The following RHOBTB1 variants were observed in gnomAD, a reference collection of about 807,000 sequenced individuals.
RHOBTB1 encodes the protein rho-related BTB domain-containing protein 1.
Under a neutral mutation model 71.6 loss-of-function variants are expected in RHOBTB1, and 40 were observed. The observed-to-expected ratio is 0.56, with a 90% CI of 0.43 to 0.73. The LOEUF (loss-of-function observed/expected upper bound fraction) is 0.73, where lower values mean the gene tolerates loss of function less well. Ranked by LOEUF, RHOBTB1 falls within the 30% of genes least tolerant of loss-of-function variation. The pLI is 0.00. For synonymous variants in RHOBTB1, 319 were observed against 334.9 expected (o/e 0.95, Z 0.52); for missense variants, 797 against 894.0 (o/e 0.89, Z 1.38).
At chr10:60,946,123 A>G (rs2085223073), upstream of RHOBTB1, among the ~76,000 whole-genome samples, 1 of 151,962 alleles carries the variant, frequency 6.6e-6, no homozygotes, top group African/African-American at 2.4e-5. Context: ...GGTTGCAGTG[A>G]GCCGAGATCG....
chr10:60,965,730 T>C (rs901503502), intron 2 of RHOBTB1, among the ~76,000 whole-genome samples: 14 of 152,162 alleles, frequency 9.2e-5, no homozygotes, highest in Non-Finnish European at 1.9e-4. Context: ...TCATGGTCTA[T>C]CCGTAGTTGG....
At position 60,889,017 on chromosome 10, in the gene RHOBTB1, C is replaced by T. The variant is rs768619047; in HGVS notation, c.651G>A (p.Trp217Ter). The T allele has an allele frequency of 6.2e-7, 1 of 1,614,078 alleles. No individual in the cohort carries two copies. The highest frequency in any genetic ancestry group is 8.5e-7 in the Non-Finnish European group (1 of 1,180,016). ...ALISRRHLQF[W>*]KSHLKKVQKP... is the part of the protein sequence containing the mutation. ...TCTGGACTTTCTTTAGGTGGGATTT[C>T]CAGAATTGCAGGTGCCTGCGGGAAA... Residue 217 changes from tryptophan (W) to a stop codon, truncating the protein, a stop_gained, in exon 6 of 11, where the codon TGG becomes TGA. Coordinates refer to ENST00000337910, the MANE Select transcript of RHOBTB1 (RefSeq NM_014836.5). LOFTEE classifies it high-confidence loss of function.
chr10:60,912,760 T>C (rs769737516), intron 2 of RHOBTB1: 1 of 152,170 alleles, frequency 6.6e-6, no homozygotes, highest in Non-Finnish European at 1.5e-5. Context: ...GACAGGACCC[T>C]CCACAAACAG....
At chr10:60,960,506 G>T (rs369080486) in intron 2 of RHOBTB1, among the ~76,000 whole-genome samples, 123 of 152,242 alleles carry the variant, frequency 8.1e-4, no homozygotes, top group African/African-American at 2.8e-3. Context: ...CCAAATAAAT[G>T]ACTGTTTTGT....
rs1481432804 is a variant in RHOBTB1, at chr10:60,888,811, G to A, written c.857C>T (p.Ala286Val). 1 of 1,614,228 alleles carries A rather than the reference G, an allele frequency of 6.2e-7. No individual in the cohort carries two copies. Among genetic ancestry groups the A allele is most frequent in the Non-Finnish European group, 8.5e-7 (1 of 1,180,044 alleles). Reference sequence around the variant, plus strand: ...ATCATAAAATTTGGAAGAAGAGGTAGCGAGGTAAATTCGATGTGCAAAGAT... The same window carrying A: ...ATCATAAAATTTGGAAGAAGAGGTAACGAGGTAAATTCGATGTGCAAAGAT... ...EHIFAHRIYL[A>V]TSSSKFYDLF... Residue 286 changes from alanine to valine, a missense_variant, in exon 6 of 11, where the codon GCT (alanine) becomes GTT (valine). Transcript: ENST00000337910.
In RHOBTB1 at chr10:60,870,273, A is replaced by C. The variant is rs962015021; in HGVS notation, c.*1209T>G. 1 of 152,664 alleles carries C rather than the reference A, an allele frequency of 6.6e-6. No homozygotes were observed. Among genetic ancestry groups the C allele is most frequent in the Non-Finnish European group, 1.5e-5 (1 of 68,052 alleles). The allele number at this position is 152,664 out of a possible 1,614,324, so 9.5% of individuals were successfully genotyped here. A position where few individuals can be genotyped will look rare whatever the true frequency, so the allele number is the denominator to read the frequency against. ...AATGAGAAAGAGTCAGAACGAACTC[A>C]CAATAGCACCATTTCCTAGACTCTT... On this transcript the variant is annotated 3_prime_UTR_variant, in exon 11 of 11. Transcript: ENST00000337910.
chr10:60,880,235 G>C (rs919684350), intron 7 of RHOBTB1, among the ~76,000 whole-genome samples: 1 of 147,928 alleles, frequency 6.8e-6, no homozygotes, highest in Non-Finnish European at 1.5e-5. Flanking sequence ...GAGAGAGAGA[G>C]AGAGACAGAG....
chr10:60,925,742 G>T (rs984078407), intron 2 of RHOBTB1, among the ~76,000 whole-genome samples: 2 of 152,120 alleles, frequency 1.3e-5, no homozygotes, highest in Non-Finnish European at 2.9e-5. Flanking sequence ...AACTGATACT[G>T]CTGAAATTCA....
chr10:60,936,136 T>C (rs939254141), intron 2 of RHOBTB1, among the ~76,000 whole-genome samples: 6 of 152,230 alleles, frequency 3.9e-5, no homozygotes, highest in Non-Finnish European at 8.8e-5. Flanking sequence ...ATTCCCATCA[T>C]GGATGAATGA....
chr10:60,997,028 G>A (rs996281274), intron 1 of RHOBTB1, among the ~76,000 whole-genome samples: 20 of 151,064 alleles, frequency 1.3e-4, no homozygotes, highest in African/African-American at 4.6e-4. Context: ...CTTGATTTGA[G>A]CCAATATCAA....
intron 1 of RHOBTB1, among the ~76,000 whole-genome samples, chr10:60,999,768 T>C (rs1279515670): frequency 6.6e-6 from 1 of 152,240 alleles, no homozygotes; most frequent in Non-Finnish European, 1.5e-5. Context: ...TTAGGGAATG[T>C]TTATGGTTCA....
At chr10:60,915,522 G>A (rs534310723) in intron 2 of RHOBTB1, among the ~76,000 whole-genome samples, 1 of 152,220 alleles carries the variant, frequency 6.6e-6, no homozygotes, top group Admixed American at 6.5e-5. Context: ...ACTCAAAACT[G>A]ACTTGAACGT....
At chr10:60,889,942 T>A (rs558181383) in intron 5 of RHOBTB1, among the ~76,000 whole-genome samples, 82 of 152,326 alleles carry the variant, frequency 5.4e-4, no homozygotes, top group Non-Finnish European at 1.2e-4. Context: ...ATCAACAGCA[T>A]CTCATACTTG....
At chr10:60,906,556 ACT>A (rs1352881217) in intron 4 of RHOBTB1, among the ~76,000 whole-genome samples, 1 of 152,120 alleles carries the variant, frequency 6.6e-6, no homozygotes, top group Non-Finnish European at 1.5e-5. Context: ...GTCCAGCTGC[ACT>A]CTGTCCTGGC....
intron 2 of RHOBTB1, among the ~76,000 whole-genome samples, chr10:60,966,086 A>G (rs1444799601): frequency 1.3e-5 from 2 of 152,166 alleles, no homozygotes; most frequent in Non-Finnish European, 2.9e-5. Context: ...AGTTTGAAGA[A>G]CAGACTAGAA....
chr10:60,980,167 C>T (rs2086449025), intron 2 of RHOBTB1, among the ~76,000 whole-genome samples: 1 of 152,118 alleles, frequency 6.6e-6, no homozygotes, highest in African/African-American at 2.4e-5. Context: ...ATTAATAGTT[C>T]AACTCTCCGC....
At position 60,888,686 on chromosome 10, in the gene RHOBTB1, C is replaced by T. The variant is rs775273962; in HGVS notation, c.982G>A (p.Asp328Asn). Residue 328 changes from aspartate to asparagine, a missense_variant, in exon 6 of 11, where the codon GAC becomes AAC. Coordinates refer to ENST00000337910, the MANE Select transcript of RHOBTB1 (RefSeq NM_014836.5). ...CCCTCCTCCCTTTCTTCCTCTGGGT[C>T]GACACTCAATATCCGCCCCTGGAAA... ...RDFQGRILSVDPEEEREEGPP... is the reference protein window; with the variant it reads ...RDFQGRILSVNPEEEREEGPP... The T allele has an allele frequency of 8.7e-6, 14 of 1,614,034 alleles. No homozygotes were observed. The highest frequency in any genetic ancestry group is 1.7e-5 in the Admixed American group (1 of 59,996).
chr10:60,905,939 G>C (rs1010013077), intron 4 of RHOBTB1, among the ~76,000 whole-genome samples: 1 of 152,158 alleles, frequency 6.6e-6, no homozygotes, highest in Non-Finnish European at 1.5e-5. Context: ...GGCCTCAACT[G>C]TGCATTGAGA....
chr10:60,915,415 C>T (rs1316276167), intron 2 of RHOBTB1, among the ~76,000 whole-genome samples: 1 of 151,616 alleles, frequency 6.6e-6, no homozygotes, highest in African/African-American at 2.4e-5. Context: ...TACTTAGATA[C>T]ATACCTGAGG....
Sources: gnomAD v4.1 joint callset for allele counts (sites outside exome capture counted in the v4.1 genomes callset) on GRCh38, gnomAD v4.1.1 for gene constraint, MANE v1.5 for transcripts, NCBI Gene and HGNC (gene_info 2026-07-23, HGNC 2026-07-21) for gene names.